FGD6: variants seen among roughly 807,000 people sequenced by gnomAD.
The protein encoded by FGD6 is FYVE, RhoGEF and PH domain-containing protein 6.
FGD6 carries 90 observed loss-of-function variants against 149.4 expected under a neutral mutation model. That is an observed-to-expected ratio of 0.60 (90% confidence interval 0.51 to 0.72). FGD6 has a LOEUF of 0.72. FGD6 is among the 30% of genes least tolerant of loss of function. FGD6 has a pLI of 0.00. For missense variants in FGD6, 1,437 were observed against 1,684.8 expected (o/e 0.85, Z 2.57); for synonymous variants, 527 against 584.0 (o/e 0.90, Z 1.41).
chr12:95,190,644 A>T (rs1014972160), intron 2 of FGD6, among the ~76,000 whole-genome samples: 1 of 152,196 alleles, frequency 6.6e-6, no homozygotes, highest in Non-Finnish European at 1.5e-5. Context: ...AGTCTAAAAT[A>T]CTATATTTTG....
At chr12:95,165,512 T>C (rs1468859156) in intron 3 of FGD6, among the ~76,000 whole-genome samples, 1 of 151,130 alleles carries the variant, frequency 6.6e-6, no homozygotes, top group Non-Finnish European at 1.5e-5. Context: ...TTTTTTTATT[T>C]TTAGTAGAGA....
intron 5 of FGD6, among the ~76,000 whole-genome samples, chr12:95,144,667 T>C (rs371137234): frequency 2.0e-5 from 3 of 149,898 alleles, no homozygotes; most frequent in East Asian, 4.0e-4. Context: ...GCTGGGATTA[T>C]AGGCATGAGC....
At chr12:95,106,425 C>T (rs1878626799) in intron 13 of FGD6, among the ~76,000 whole-genome samples, 1 of 134,564 alleles carries the variant, frequency 7.4e-6, no homozygotes, top group South Asian at 2.7e-4. Flanking sequence ...TGTGCGCCAC[C>T]ACGCCTGGCT....
chr12:95,151,218 T>C (rs1262669068), intron 5 of FGD6, among the ~76,000 whole-genome samples: 1 of 152,112 alleles, frequency 6.6e-6, no homozygotes, highest in Non-Finnish European at 1.5e-5. Flanking sequence ...GTTAAGAATT[T>C]TTAAAGAATT....
intron 3 of FGD6, among the ~76,000 whole-genome samples, chr12:95,168,636 C>T (rs1318730745): frequency 1.3e-5 from 2 of 151,838 alleles, no homozygotes; most frequent in Non-Finnish European, 2.9e-5. Context: ...GCACTCCAGC[C>T]TGGGAGACAA....
At chr12:95,129,489 T>C (rs1879455018) in intron 8 of FGD6, among the ~76,000 whole-genome samples, 1 of 152,170 alleles carries the variant, frequency 6.6e-6, no homozygotes, top group Non-Finnish European at 1.5e-5. Flanking sequence ...TGCCTGACAC[T>C]GGGATAGGAT....
chr12:95,217,226 G>T lies in FGD6; in HGVS notation c.15C>A (p.Ala5=). 6.2e-7 allele frequency: 1 copy of T among 1,612,214 alleles called. No individual in the cohort carries two copies. The highest frequency in any genetic ancestry group is 8.5e-7 in the Non-Finnish European group (1 of 1,178,780). Residue 5 remains alanine, a splice_region_variant and synonymous_variant, in exon 1 of 21, where the codon GCC becomes GCA. Transcript: ENST00000343958. ...GGCAGCGCGAGCGCCGTCACTTACC[G>T]GCTGCAGAAGTCATGATTCCCCGGT... is the stretch of plus-strand genomic sequence containing the variant. MTSA[A]EIKKPPVAPK...
chr12:95,122,663 A>G (rs1488793234), intron 8 of FGD6, among the ~76,000 whole-genome samples: 1 of 150,974 alleles, frequency 6.6e-6, no homozygotes, highest in Non-Finnish European at 1.5e-5. Flanking sequence ...AAAAAAAAAA[A>G]AAAAAAGGCT....
intron 15 of FGD6, 140 bp downstream of exon 15, chr12:95,094,452 C>T: frequency 1.7e-6 from 1 of 588,966 alleles, no homozygotes; most frequent in Non-Finnish European, 3.0e-6. Flanking sequence ...TGAAATGAGA[C>T]ATTAATCTGT....
chr12:95,108,183 T>C lies in FGD6; in HGVS notation c.3264+165A>G, dbSNP rs375757652. ...ATAAATGGGCTTATTCCTAATTGAA[T>C]TGTCACAGTGACTTACATCATGAAT... On this transcript the variant is annotated intron_variant, in intron 11 of 20. Coordinates refer to ENST00000343958, the MANE Select transcript of FGD6 (RefSeq NM_018351.4). Among the ~76,000 whole-genome samples the C allele has an allele frequency of 1.1e-3, 171 of 152,320 alleles. 5 individuals are homozygous for C. The South Asian group carries it at 0.035, about 31-fold the overall frequency.
At chr12:95,148,768 T>C (rs1267956247) in intron 5 of FGD6, among the ~76,000 whole-genome samples, 1 of 95,042 alleles carries the variant, frequency 1.1e-5, no homozygotes, top group African/African-American at 4.4e-5. Context: ...TATGTTATAT[T>C]ACATATATTA....
chr12:95,140,926 T>C (rs1420003610), intron 6 of FGD6, among the ~76,000 whole-genome samples: 1 of 151,968 alleles, frequency 6.6e-6, no homozygotes, highest in East Asian at 1.9e-4. Context: ...TTTTGGGCCA[T>C]TGAAAATAAT....
intron 20 of FGD6, among the ~76,000 whole-genome samples, chr12:95,083,630 A>G (rs1877767363): frequency 6.6e-6 from 1 of 152,238 alleles, no homozygotes; most frequent in African/African-American, 2.4e-5. Context: ...AGACTGAAAA[A>G]AGAGTCTTAC....
intron 17 of FGD6, among the ~76,000 whole-genome samples, chr12:95,090,565 G>A (rs1463432166): frequency 6.6e-6 from 1 of 152,176 alleles, no homozygotes. Flanking sequence ...GGGTATAGGT[G>A]ATGAGGAAGG....
At chr12:95,207,315 CTG>C (rs2056697723) in intron 2 of FGD6, among the ~76,000 whole-genome samples, 2 of 152,304 alleles carry the variant, frequency 1.3e-5, no homozygotes, top group Non-Finnish European at 1.5e-5. Flanking sequence ...CCATGCTGAA[CTG>C]TGAGTCAATT....
In FGD6 at chr12:95,113,654, G is replaced by T. The variant is rs188529942; in HGVS notation, c.3130C>A (p.Gln1044Lys). 4 of 1,591,836 alleles carry T rather than the reference G, an allele frequency of 2.5e-6. No individual in the cohort carries two copies. In the East Asian group the frequency reaches 9.0e-5, roughly 36 times the overall value. ...TGCAACCACAGAAGTTATTTACCTTGAGTGTCTCTGTAATCTCCAGCATCT... is the reference window on the plus strand; with the variant it reads ...TGCAACCACAGAAGTTATTTACCTTTAGTGTCTCTGTAATCTCCAGCATCT... ...IEDAGDYRDT[Q>K]DALAVVIEVA... The change falls in exon 9 of 21, where the codon CAA (glutamine) becomes AAA (lysine). Residue 1044 changes from glutamine (Q) to lysine (K), a missense_variant. Gln to Lys is a moderately conservative substitution (Grantham distance 53). Coordinates refer to ENST00000343958, the MANE Select transcript of FGD6 (RefSeq NM_018351.4).
intron 3 of FGD6, among the ~76,000 whole-genome samples, chr12:95,168,907 C>T (rs184233063): frequency 7.6e-4 from 115 of 152,222 alleles, no homozygotes; most frequent in African/African-American, 2.5e-3. Flanking sequence ...CTCCAAAGAC[C>T]GTGTTCTAAC....
intron 14 of FGD6, 41 bp from the exon 15 acceptor site, chr12:95,094,735 T>G: frequency 6.9e-7 from 1 of 1,451,028 alleles, no homozygotes; most frequent in South Asian, 1.2e-5. Context: ...ATGTCAGTTT[T>G]TGTTCTTTTC....
At chr12:95,151,019 G>A (rs963255771) in intron 5 of FGD6, among the ~76,000 whole-genome samples, 2 of 151,902 alleles carry the variant, frequency 1.3e-5, no homozygotes, top group Non-Finnish European at 2.9e-5. Flanking sequence ...CTTGAGCCCA[G>A]GAGGTAGAGC....
Sources: gnomAD v4.1 joint callset for allele counts (sites outside exome capture counted in the v4.1 genomes callset) on GRCh38, gnomAD v4.1.1 for gene constraint, MANE v1.5 for transcripts, NCBI Gene and HGNC (gene_info 2026-07-23, HGNC 2026-07-21) for gene names.